The following PCDHA13 variants were observed in gnomAD, a reference collection of about 807,000 sequenced individuals.
PCDHA13 encodes protocadherin alpha 13.
Under a neutral mutation model 64.8 loss-of-function variants are expected in PCDHA13, and 54 were observed. That is an observed-to-expected ratio of 0.83 (90% CI 0.67 to 1.04). PCDHA13 has a LOEUF of 1.04. PCDHA13 is among the 50% of genes least tolerant of loss of function. PCDHA13 has a pLI of 0.00. For missense variants in PCDHA13, 1,248 were observed against 1,254.3 expected (o/e 0.99, Z 0.08); for synonymous variants, 587 against 564.4 (o/e 1.04, Z -0.57).
intron 3 of PCDHA13, among the ~76,000 whole-genome samples, chr5:141,007,166 A>C (rs548434277): frequency 3.3e-5 from 5 of 152,294 alleles, no homozygotes; most frequent in Admixed American, 6.5e-5. Context: ...GAACAGTCAG[A>C]GAGAAAGGTC....
intron 3 of PCDHA13, among the ~76,000 whole-genome samples, chr5:141,006,182 T>G (rs1388785445): frequency 1.3e-5 from 2 of 151,170 alleles, no homozygotes; most frequent in Non-Finnish European, 2.9e-5. Flanking sequence ...TTTAAAAGAG[T>G]TTGCTATATG....
rs556783584 is a variant in PCDHA13 at position 140,882,446 on chromosome 5, G to T, written c.178G>T (p.Val60Leu). The change falls in exon 1 of 4, where the codon GTG becomes TTG. Residue 60 changes from valine (V) to leucine (L), a missense_variant. Physicochemically the swap from Val to Leu is conservative, Grantham distance 32 (BLOSUM62 1). Transcript: ENST00000289272. ...QDLGLELAEL[V>L]PRLFRVASKR... is the part of the protein sequence containing the mutation. ...CCTGGGGCTGGAGCTGGCGGAGCTG[G>T]TGCCGCGCCTGTTCCGGGTGGCGTC... is the stretch of plus-strand genomic sequence containing the variant. 6.2e-7 allele frequency: 1 copy of T among 1,613,924 alleles called. No individual in the cohort carries two copies. Among genetic ancestry groups the T allele is most frequent in the African/African-American group, 1.3e-5 (1 of 74,930 alleles).
chr5:140,942,615 A>G (rs1310858123), intron 1 of PCDHA13, among the ~76,000 whole-genome samples: 1 of 101,274 alleles, frequency 9.9e-6, no homozygotes, highest in African/African-American at 4.7e-5. Context: ...ATATTTGCCA[A>G]TTGTAAAAAA....
chr5:140,999,027 T>A (rs2097843534), intron 3 of PCDHA13, among the ~76,000 whole-genome samples: 1 of 152,262 alleles, frequency 6.6e-6, no homozygotes, highest in Admixed American at 6.5e-5. Flanking sequence ...AGACTTTTGA[T>A]ACTTCGTCCA....
intron 1 of PCDHA13, among the ~76,000 whole-genome samples, chr5:140,971,002 C>A (rs2096450018): frequency 6.6e-6 from 1 of 152,136 alleles, no homozygotes; most frequent in Non-Finnish European, 1.5e-5. Context: ...CAAAGAGTTT[C>A]CAGAAGTCTT....
intron 3 of PCDHA13, among the ~76,000 whole-genome samples, chr5:141,009,356 G>T (rs535761188): frequency 7.9e-5 from 12 of 152,204 alleles, no homozygotes; most frequent in Non-Finnish European, 1.6e-4. Context: ...CTACTTGGGA[G>T]GCTAAGATGG....
At chr5:140,933,592 G>T (rs1034374854) in intron 1 of PCDHA13, among the ~76,000 whole-genome samples, 2 of 151,986 alleles carry the variant, frequency 1.3e-5, no homozygotes, top group Non-Finnish European at 2.9e-5. Context: ...TTTTTAGGTT[G>T]ATTTGTCTTT....
At chr5:140,927,568 A>T in intron 1 of PCDHA13, 1 of 1,614,174 alleles carries the variant, frequency 6.2e-7, no homozygotes, top group Non-Finnish European at 8.5e-7. Flanking sequence ...TGTGGTGGAC[A>T]CAAATGACAA....
chr5:140,977,720 A>C (rs1156806702), intron 1 of PCDHA13, among the ~76,000 whole-genome samples: 1 of 152,202 alleles, frequency 6.6e-6, no homozygotes, highest in African/African-American at 2.4e-5. Flanking sequence ...GATGGTGATC[A>C]TTTCTCTCCT....
At chr5:140,895,677 G>T (rs1554186594) in intron 1 of PCDHA13, among the ~76,000 whole-genome samples, 2 of 151,984 alleles carry the variant, frequency 1.3e-5, no homozygotes, top group African/African-American at 4.8e-5. Flanking sequence ...GTAGTATTTG[G>T]TTTTCTGTTT....
At chr5:140,965,609 G>T (rs568507618) in intron 1 of PCDHA13, among the ~76,000 whole-genome samples, 9 of 151,736 alleles carry the variant, frequency 5.9e-5, no homozygotes, top group Admixed American at 2.0e-4. Context: ...TGAAGACATT[G>T]TCATCCATTA....
At chr5:140,997,837 T>G (rs1414415987) in intron 3 of PCDHA13, among the ~76,000 whole-genome samples, 2 of 152,222 alleles carry the variant, frequency 1.3e-5, no homozygotes, top group African/African-American at 4.8e-5. Context: ...AACAATACAA[T>G]ATACATTCTT....
At chr5:140,956,403 A>C (rs1475566345) in intron 1 of PCDHA13, among the ~76,000 whole-genome samples, 1 of 152,178 alleles carries the variant, frequency 6.6e-6, no homozygotes, top group African/African-American at 2.4e-5. Context: ...ATCCATTGAG[A>C]TAATCATGTG....
intron 1 of PCDHA13, among the ~76,000 whole-genome samples, chr5:140,955,262 C>T (rs1473601347): frequency 1.3e-5 from 2 of 152,044 alleles, no homozygotes; most frequent in African/African-American, 4.8e-5. Flanking sequence ...TATAAAGGCT[C>T]TTTTTTGGTT....
At chr5:140,928,467 A>C (rs782319281) in intron 1 of PCDHA13, 29 of 1,614,142 alleles carry the variant, frequency 1.8e-5, no homozygotes, top group Non-Finnish European at 2.3e-5. Flanking sequence ...ATTTCCAAGT[A>C]GAAGGCCGGG....
intron 1 of PCDHA13, chr5:140,926,949 G>C: frequency 3.8e-6 from 6 of 1,592,316 alleles, no homozygotes; most frequent in Non-Finnish European, 5.1e-6. Context: ...GCGCTGCAGC[G>C]GGACAGCTCG....
intron 1 of PCDHA13, among the ~76,000 whole-genome samples, chr5:140,944,623 T>C (rs535315515): frequency 6.6e-6 from 1 of 152,320 alleles, no homozygotes; most frequent in East Asian, 1.9e-4. Flanking sequence ...AGAAGTATAG[T>C]GTTGTAAGCC....
At chr5:140,975,847 C>T (rs895067113) in intron 1 of PCDHA13, among the ~76,000 whole-genome samples, 1 of 152,100 alleles carries the variant, frequency 6.6e-6, no homozygotes, top group East Asian at 1.9e-4. Flanking sequence ...TTCAGTAATA[C>T]TACATCACCC....
At chr5:140,995,738 T>G (rs1441000111) in intron 3 of PCDHA13, among the ~76,000 whole-genome samples, 1 of 152,150 alleles carries the variant, frequency 6.6e-6, no homozygotes, top group Non-Finnish European at 1.5e-5. Context: ...CTGGTGGATT[T>G]GGTATATCAT....
Sources: allele counts gnomAD v4.1 joint callset (sites outside exome capture counted in the v4.1 genomes callset), GRCh38; gene constraint gnomAD v4.1.1; transcripts MANE v1.5; gene names NCBI Gene and HGNC (gene_info 2026-07-23, HGNC 2026-07-21).